Variants in FILIP1L observed in about 807,000 individuals in gnomAD.
FILIP1L encodes the protein filamin A interacting protein 1 like.
A neutral mutation model predicts 96.6 loss-of-function variants in FILIP1L; 55 were observed. The observed-to-expected ratio is 0.57, with a 90% CI of 0.46 to 0.71. The LOEUF (loss-of-function observed/expected upper bound fraction) is 0.71, where lower values mean the gene tolerates loss of function less well. Among genes scored for constraint, FILIP1L ranks in the 30% least tolerant of loss-of-function variants. FILIP1L has a pLI of 0.00. For missense variants in FILIP1L, 1,304 were observed against 1,321.2 expected (o/e 0.99, Z 0.20); for synonymous variants, 467 against 473.9 (o/e 0.99, Z 0.19).
At chr3:100,071,926 T>C (rs2065770378) in intron 1 of FILIP1L, among the ~76,000 whole-genome samples, 1 of 152,178 alleles carries the variant, frequency 6.6e-6, no homozygotes, top group Admixed American at 6.5e-5. Context: ...GCTAATTACA[T>C]TTTTACAATT....
At chr3:99,837,690 G>T (rs1451889257) in intron 5 of FILIP1L, among the ~76,000 whole-genome samples, 1 of 152,168 alleles carries the variant, frequency 6.6e-6, no homozygotes, top group African/African-American at 2.4e-5. Context: ...CTTCTGACCT[G>T]GGAAGATACA....
chr3:99,832,661 G>A (rs1359072401), intron 5 of FILIP1L, among the ~76,000 whole-genome samples: 2 of 147,648 alleles, frequency 1.4e-5, no homozygotes, highest in African/African-American at 4.9e-5. Flanking sequence ...TGGCCAACAC[G>A]GTGAAACCCT....
intron 1 of FILIP1L, among the ~76,000 whole-genome samples, chr3:99,997,493 A>G (rs1198341584): frequency 6.6e-6 from 1 of 152,184 alleles, no homozygotes; most frequent in Non-Finnish European, 1.5e-5. Context: ...CTGATACCCC[A>G]GTGGTTCTCA....
chr3:100,080,334 T>G (rs866304953), intron 1 of FILIP1L, among the ~76,000 whole-genome samples: 21 of 152,068 alleles, frequency 1.4e-4, no homozygotes, highest in African/African-American at 5.1e-4. Context: ...AAAAAAAAAT[T>G]TAATAACTCT....
At chr3:99,994,760 A>G (rs1281911435) in intron 1 of FILIP1L, among the ~76,000 whole-genome samples, 1 of 152,206 alleles carries the variant, frequency 6.6e-6, no homozygotes, top group African/African-American at 2.4e-5. Context: ...GGCACTTCTT[A>G]CATGGGGGTG....
chr3:99,974,460 AG>A (rs1708910743), intron 1 of FILIP1L, among the ~76,000 whole-genome samples: 2 of 152,218 alleles, frequency 1.3e-5, no homozygotes, highest in African/African-American at 2.4e-5. Context: ...CTGTAATCAC[AG>A]CACTTTGGGA....
chr3:99,969,066 G>A (rs1391373725), intron 1 of FILIP1L, among the ~76,000 whole-genome samples: 2 of 152,080 alleles, frequency 1.3e-5, no homozygotes, highest in African/African-American at 4.8e-5. Flanking sequence ...GAAGTAAAGG[G>A]GATAATTAAT....
chr3:99,998,674 C>A (rs138679416), intron 1 of FILIP1L, among the ~76,000 whole-genome samples: 2 of 152,106 alleles, frequency 1.3e-5, no homozygotes, highest in Admixed American at 6.5e-5. Context: ...GCGATTCTCC[C>A]GCCTCAGCCT....
intron 1 of FILIP1L, among the ~76,000 whole-genome samples, chr3:99,981,636 A>C (rs1027818500): frequency 1.3e-5 from 2 of 152,204 alleles, no homozygotes; most frequent in Non-Finnish European, 2.9e-5. Context: ...CAAGTGGAAA[A>C]TTGACAGTTT....
At chr3:99,905,140 T>C (rs901727599) in intron 4 of FILIP1L, among the ~76,000 whole-genome samples, 2 of 152,232 alleles carry the variant, frequency 1.3e-5, no homozygotes, top group African/African-American at 4.8e-5. Context: ...CCTTCCTAGA[T>C]AGCTTATCCC....
intron 2 of FILIP1L, 122 bp from the exon 3 acceptor site, chr3:99,930,151 T>C (rs754291252): frequency 4.3e-4 from 330 of 774,968 alleles, no homozygotes; most frequent in Non-Finnish European, 6.3e-4. Flanking sequence ...TCATATTTCA[T>C]TTTCACACTT....
At chr3:100,032,084 A>C (rs555280960) in intron 1 of FILIP1L, among the ~76,000 whole-genome samples, 1 of 152,350 alleles carries the variant, frequency 6.6e-6, no homozygotes, top group African/African-American at 2.4e-5. Context: ...CTAGCCCATT[A>C]GCCATAGTTT....
intron 1 of FILIP1L, among the ~76,000 whole-genome samples, chr3:100,034,024 G>A (rs1050250245): frequency 2.0e-5 from 3 of 152,134 alleles, no homozygotes; most frequent in Non-Finnish European, 4.4e-5. Context: ...AAGAAACATG[G>A]TGCTATTATT....
chr3:99,944,284 G>T (rs780585712), intron 1 of FILIP1L, among the ~76,000 whole-genome samples: 15 of 152,288 alleles, frequency 9.8e-5, no homozygotes, highest in Middle Eastern at 3.4e-3. Flanking sequence ...GTTTAGTAGA[G>T]AGGTGATAGG....
At chr3:99,987,948 C>G (rs531137700) in intron 1 of FILIP1L, among the ~76,000 whole-genome samples, 49 of 152,316 alleles carry the variant, frequency 3.2e-4, no homozygotes, top group African/African-American at 1.1e-3. Flanking sequence ...GTTGAGGATA[C>G]TGTTCTTCCA....
chr3:99,848,605 T>C lies in FILIP1L; in HGVS notation c.3071A>G (p.Glu1024Gly), dbSNP rs751748900. The change falls in exon 5 of 6, where the codon GAA (glutamate) becomes GGA (glycine). Residue 1024 changes from glutamate (E) to glycine (G), a missense_variant. Physicochemically the swap from Glu to Gly is moderately conservative, Grantham distance 98 (BLOSUM62 -2). Coordinates refer to ENST00000477258, the MANE Select transcript of FILIP1L (RefSeq NM_001387850.1). ...GAATATCGCATGCTTGGCACTGATT[T>C]CTGTTGGTTCTGGGGAGCGTCCCTG... ...PEQGRSPEPT[E>G]ISAKHAIFRV... 3.7e-6 allele frequency: 6 copies of C among 1,614,150 alleles called. No individual in the cohort carries two copies. The highest frequency in any genetic ancestry group is 4.2e-6 in the Non-Finnish European group (5 of 1,180,032).
At chr3:99,854,746 G>GTGTA (rs1227580989) in intron 4 of FILIP1L, among the ~76,000 whole-genome samples, 1 of 152,166 alleles carries the variant, frequency 6.6e-6, no homozygotes, top group African/African-American at 2.4e-5. Context: ...TGTGGCATGT[G>GTGTA]TGTATGTCAG....
chr3:99,847,533 A>G (rs1433491259), intron 5 of FILIP1L, among the ~76,000 whole-genome samples: 1 of 152,140 alleles, frequency 6.6e-6, no homozygotes, highest in Non-Finnish European at 1.5e-5. Context: ...ATCACATGTC[A>G]GAGCTTTTTA....
chr3:100,014,052 TGTAA>T (rs1399741924), intron 1 of FILIP1L, among the ~76,000 whole-genome samples: 2 of 151,996 alleles, frequency 1.3e-5, no homozygotes, highest in Non-Finnish European at 2.9e-5. Flanking sequence ...AGATTCCGCA[TGTAA>T]GTGAGATCAT....
Sources: gnomAD v4.1 joint callset for allele counts (sites outside exome capture counted in the v4.1 genomes callset) on GRCh38, gnomAD v4.1.1 for gene constraint, MANE v1.5 for transcripts, NCBI Gene and HGNC (gene_info 2026-07-23, HGNC 2026-07-21) for gene names.